Variants in DERPC observed in about 807,000 individuals in gnomAD.
DERPC encodes DERPC proline and glycine rich nuclear protein.
Under a neutral mutation model 7.2 loss-of-function variants are expected in DERPC, and 1 was observed. That is an observed-to-expected ratio of 0.14 (90% CI 0.05 to 0.66). The LOEUF is 0.66. Among genes scored for constraint, DERPC ranks in the 30% least tolerant of loss-of-function variants. DERPC has a pLI of 0.84. For missense variants in DERPC, 502 were observed against 299.4 expected, an observed-to-expected ratio of 1.68 and a Z score of -4.99; for synonymous variants, 185 against 117.6, an observed-to-expected ratio of 1.57 and a Z score of -3.71.
chr16:69,127,097 G>A (rs1448783636), intron 1 of DERPC, among the ~76,000 whole-genome samples: 7 of 152,080 alleles, frequency 4.6e-5, no homozygotes, highest in African/African-American at 9.7e-5. Flanking sequence ...AATTAGCCGC[G>A]CGTGGTGGCG....
At chr16:69,126,015 G>A (rs1409916335) in intron 1 of DERPC, among the ~76,000 whole-genome samples, 3 of 152,144 alleles carry the variant, frequency 2.0e-5, no homozygotes, top group Non-Finnish European at 4.4e-5. Flanking sequence ...ACAATTTAAG[G>A]AATGGTACAT....
chr16:69,119,811 G>A lies in DERPC; in HGVS notation c.618C>T (p.Gly206=). The part of the protein sequence containing the change: ...GPPNPRPVGL[G]PGPNPNLRSG... The stretch of plus-strand genomic sequence containing the variant: ...ATCTCAGATTGGGGTTTGGTCCTGG[G>A]CCCAGGCCAACTGGCCTAGGATTGG... The change falls in exon 3 of 3, where the codon GGC becomes GGT. Residue 206 remains glycine, a synonymous_variant. Transcript: ENST00000519520. 1 of 701,076 alleles carries A rather than the reference G, an allele frequency of 1.4e-6. No homozygotes were observed. Among genetic ancestry groups the A allele is most frequent in the Non-Finnish European group, 2.6e-6 (1 of 384,908 alleles). The allele number at this position is 701,076 out of a possible 1,614,324, so 43.4% of individuals were successfully genotyped here.
rs1373743773 is a variant in DERPC at position 69,119,673 on chromosome 16, T to C, written c.756A>G (p.Arg252=). 2 of 674,854 alleles carry C rather than the reference T, an allele frequency of 3.0e-6. No individual in the cohort carries two copies. The highest frequency in any genetic ancestry group is 5.4e-6 in the Non-Finnish European group (2 of 370,150). 41.8% of individuals were successfully genotyped at this position (674,854 alleles called of 1,614,324 possible). Residue 252 remains arginine (R), a synonymous_variant, in exon 3 of 3, where the codon AGA becomes AGG. Transcript: ENST00000519520. The part of the protein sequence containing the change: ...GLGPGPNLDA[R]AGGLLGTGSG... ...ATCCTGTGCCCAAGAGGCCACCTGC[T>C]CTGGCATCTAGATTAGGGCCTGGGC... is the stretch of plus-strand genomic sequence containing the variant.
In DERPC at chr16:69,120,439, G is replaced by A. The variant is rs1282632298; in HGVS notation, c.-11C>T. The A allele has an allele frequency of 1.2e-6, 2 of 1,614,120 alleles. No homozygotes were observed. The highest frequency in any genetic ancestry group is 1.1e-5 in the South Asian group (1 of 91,076). On this transcript the variant is annotated 5_prime_UTR_variant, in exon 3 of 3. Transcript: ENST00000519520. This position sits in a 1 kb window ranked among gnomAD's most constrained non-coding sequence, Gnocchi z 4.0. ...CCGAGGTTCTTTCATACTTTCTTGG[G>A]GACGCTGGTGATAATGGGCTTGGGG...
chr16:69,129,811 A>G (rs911839670), intron 1 of DERPC, among the ~76,000 whole-genome samples: 1 of 152,232 alleles, frequency 6.6e-6, no homozygotes, highest in African/African-American at 2.4e-5. Context: ...CAAAATGGCA[A>G]AGTAACCTAT....
At position 69,120,533 on chromosome 16, in the gene DERPC, A is replaced by T; in HGVS notation, c.-105T>A. On this transcript the variant is annotated 5_prime_UTR_variant, in exon 3 of 3. It introduces an in-frame stop codon into an upstream open reading frame of the 5' UTR. Coordinates refer to ENST00000519520, the MANE Select transcript of DERPC (RefSeq NM_001002847.4). The surrounding 1 kb of genome is among the most constrained non-coding windows in gnomAD (Gnocchi z 4.0). ...GGTACCGGGTGCCAGTCTCGCGGCC[A>T]AGCTCATCACAGTCCTGATCCCCAG... The T allele has an allele frequency of 6.2e-7, 1 of 1,614,118 alleles. No homozygotes were observed. Among genetic ancestry groups the T allele is most frequent in the East Asian group, 2.2e-5 (1 of 44,864 alleles).
chr16:69,122,366 T>C, intron 1 of DERPC, among the ~76,000 whole-genome samples: 1 of 120,978 alleles, frequency 8.3e-6, no homozygotes, highest in South Asian at 2.8e-4. Flanking sequence ...AAGGATATTC[T>C]TTTTTTTTTT....
Position 69,119,175 on chromosome 16 carries a change from G to A in DERPC, c.1254C>T (p.Gly418=). The A allele has an allele frequency of 1.4e-6, 1 of 703,042 alleles. No individual in the cohort carries two copies. Among genetic ancestry groups the A allele is most frequent in the East Asian group, 2.7e-5 (1 of 37,284 alleles). 43.6% of individuals were successfully genotyped at this position (703,042 alleles called of 1,614,324 possible). A position where few individuals can be genotyped will look rare whatever the true frequency, so the allele number is the denominator to read the frequency against. The change falls in exon 3 of 3, where the codon GGC becomes GGT. Residue 418 remains glycine (G), a synonymous_variant. Coordinates refer to ENST00000519520, the MANE Select transcript of DERPC (RefSeq NM_001002847.4). ...AGGTAGTTGGACTTGGACCCTGCAG[G>A]CCAGTGGCCCTTGGGAAGTTAGCTG... ...PNPANFPRAT[G]LQGPSPTTFP... is the part of the protein sequence containing the mutation.
chr16:69,120,887 T>C lies in DERPC; in HGVS notation c.-221-238A>G. ...CTTTCCAGATTCCCCAAAATTAAATTTCCCTGCTACTGCAGAGGTAGGGGG... is the reference window on the plus strand; with the variant it reads ...CTTTCCAGATTCCCCAAAATTAAATCTCCCTGCTACTGCAGAGGTAGGGGG... On this transcript the variant is annotated intron_variant, in intron 2 of 2. Transcript: ENST00000519520. The surrounding 1 kb of genome is among the most constrained non-coding windows in gnomAD (Gnocchi z 4.0). 1 of 771,426 alleles carries C rather than the reference T, an allele frequency of 1.3e-6. No individual in the cohort carries two copies. Among genetic ancestry groups the C allele is most frequent in the Non-Finnish European group, 2.3e-6 (1 of 430,584 alleles). The allele number at this position is 771,426 out of a possible 1,614,324, so 47.8% of individuals were successfully genotyped here.
At chr16:69,123,476 G>A (rs1253082942) in intron 1 of DERPC, among the ~76,000 whole-genome samples, 2 of 151,784 alleles carry the variant, frequency 1.3e-5, no homozygotes, top group Non-Finnish European at 1.5e-5. Flanking sequence ...GGCCAACACG[G>A]TGAAACCCAG....
chr16:69,120,539 A>T lies in DERPC; in HGVS notation c.-111T>A, dbSNP rs758398181. On this transcript the variant is annotated 5_prime_UTR_variant, in exon 3 of 3. An upstream start codon of the reference 5' UTR is lost. Transcript: ENST00000519520. This position sits in a 1 kb window ranked among gnomAD's most constrained non-coding sequence, Gnocchi z 4.0. ...GGGTGCCAGTCTCGCGGCCAAGCTC[A>T]TCACAGTCCTGATCCCCAGGAGTGT... 5 of 1,614,164 alleles carry T rather than the reference A, an allele frequency of 3.1e-6. No homozygotes were observed. The highest frequency in any genetic ancestry group is 3.4e-6 in the Non-Finnish European group (4 of 1,180,034).
chr16:69,120,723 C>A lies in DERPC; in HGVS notation c.-221-74G>T. The A allele has an allele frequency of 2.3e-6, 3 of 1,331,018 alleles. 1 individual carries two copies. Among genetic ancestry groups the A allele is most frequent in the South Asian group, 2.6e-5 (2 of 75,970 alleles). The allele number at this position is 1,331,018 out of a possible 1,614,324, so 82.5% of individuals were successfully genotyped here. A position where few individuals can be genotyped will look rare whatever the true frequency, so the allele number is the denominator to read the frequency against. The stretch of plus-strand genomic sequence containing the variant: ...AACACTCAGGCGCCTCCTAAAGCTG[C>A]TCTTGGCAGGCTATGCTGGCACCTC... On this transcript the variant is annotated intron_variant, in intron 2 of 2. Transcript: ENST00000519520. This position sits in a 1 kb window ranked among gnomAD's most constrained non-coding sequence, Gnocchi z 4.0.
At chr16:69,126,552 TGCTCAGTCA>T (rs1490569778) in intron 1 of DERPC, among the ~76,000 whole-genome samples, 1 of 152,220 alleles carries the variant, frequency 6.6e-6, no homozygotes, top group Non-Finnish European at 1.5e-5. Flanking sequence ...CTTACCACCA[TGCTCAGTCA>T]GGCTGGTAAA....
chr16:69,128,127 C>T (rs1208857384), intron 1 of DERPC, among the ~76,000 whole-genome samples: 1 of 151,708 alleles, frequency 6.6e-6, no homozygotes, highest in Non-Finnish European at 1.5e-5. Flanking sequence ...ATTAGTCAGG[C>T]TGGTCTTGAA....
chr16:69,130,920 G>A (rs1335326895), intron 1 of DERPC, among the ~76,000 whole-genome samples: 1 of 152,148 alleles, frequency 6.6e-6, no homozygotes, highest in Non-Finnish European at 1.5e-5. Flanking sequence ...AGTTCTGGAA[G>A]GTAATTTCTC....
rs752702742 is a variant in DERPC, at chr16:69,120,442, C to T, written c.-14G>A. On this transcript the variant is annotated 5_prime_UTR_variant, in exon 3 of 3. Coordinates refer to ENST00000519520, the MANE Select transcript of DERPC (RefSeq NM_001002847.4). The surrounding 1 kb of genome is among the most constrained non-coding windows in gnomAD (Gnocchi z 4.0). The stretch of plus-strand genomic sequence containing the variant: ...AGGTTCTTTCATACTTTCTTGGGGA[C>T]GCTGGTGATAATGGGCTTGGGGCGG... The T allele has an allele frequency of 2.4e-5, 38 of 1,613,946 alleles. No homozygotes were observed. Among genetic ancestry groups the T allele is most frequent in the Non-Finnish European group, 2.6e-5 (31 of 1,180,020 alleles).
intron 1 of DERPC, among the ~76,000 whole-genome samples, chr16:69,125,065 CG>C (rs1286374238): frequency 6.6e-6 from 1 of 151,938 alleles, no homozygotes; most frequent in East Asian, 1.9e-4. Flanking sequence ...CCACCATGCC[CG>C]GCTAATTTTG....
Position 69,120,365 on chromosome 16 carries a change from G to A in DERPC, c.64C>T (p.Pro22Ser). ...PTPWTRAPLP[P>S]RGRLDGSLGP... ...AGGGAACCGTCGAGCCGTCCTCGAG[G>A]TGGCAGCGGAGCACGAGTCCAAGGA... The change falls in exon 3 of 3, where the codon CCT (proline) becomes TCT (serine). Residue 22 changes from proline (P) to serine (S), a missense_variant. Transcript: ENST00000519520. This position sits in a 1 kb window ranked among gnomAD's most constrained non-coding sequence, Gnocchi z 4.0. 6.5e-7 allele frequency: 1 copy of A among 1,541,900 alleles called. No individual in the cohort carries two copies. The highest frequency in any genetic ancestry group is 9.0e-7 in the Non-Finnish European group (1 of 1,114,558).
rs145039382 is a variant in DERPC at position 69,127,394 on chromosome 16, TAAG to T, written c.-280+5087_-280+5089del. On this transcript the variant is annotated intron_variant, in intron 1 of 2. Transcript: ENST00000519520. The stretch of plus-strand genomic sequence containing the variant: ...AGCATAACAATGGAAATTATCTGTA[TAAG>T]AAGAATATGTCTAAGTCTTCAGTCT... Among the ~76,000 whole-genome samples the T allele has an allele frequency of 4.9e-3, 749 of 152,168 alleles. 23 individuals are homozygous for T. The East Asian group carries it at 0.07, about 14-fold the overall frequency.
Sources: gnomAD v4.1 joint callset for allele counts (sites outside exome capture counted in the v4.1 genomes callset) on GRCh38, gnomAD v4.1.1 for gene constraint, Gnocchi (gnomAD v3.1) non-coding constraint, MANE v1.5 for transcripts, NCBI Gene and HGNC (gene_info 2026-07-23, HGNC 2026-07-21) for gene names.